Variants in FTCDNL1 observed in about 807,000 individuals in gnomAD.
The protein encoded by FTCDNL1 is formiminotransferase N-terminal subdomain-containing protein.
In FTCDNL1, 11 loss-of-function variants were observed where a neutral mutation model predicts 5.9. The observed-to-expected ratio is 1.87, with a 90% confidence interval of 1.18 to 3.10. The LOEUF (loss-of-function observed/expected upper bound fraction) is 3.10. FTCDNL1 is among the 30% of genes most tolerant of loss of function. The pLI, the probability that FTCDNL1 is intolerant of heterozygous loss-of-function variation, is 0.00. For missense variants in FTCDNL1, 115 were observed against 65.5 expected, an observed-to-expected ratio of 1.76 and a Z score of -2.61; for synonymous variants, 58 against 24.8, an observed-to-expected ratio of 2.34 and a Z score of -3.99.
chr2:199,802,744 T>C (rs1320712208), intron 3 of FTCDNL1, among the ~76,000 whole-genome samples: 2 of 152,152 alleles, frequency 1.3e-5, no homozygotes, highest in Middle Eastern at 3.2e-3. Flanking sequence ...AATCTGGCGA[T>C]GTGCAGTTCA....
chr2:199,732,951 G>A, the FTCDNL1 span, among the ~76,000 whole-genome samples: 3,216 of 152,204 alleles, frequency 0.021, 46 homozygotes, highest in Middle Eastern at 0.041. Context: ...ACTTCAATTT[G>A]TTCACAATTG....
the FTCDNL1 span, among the ~76,000 whole-genome samples, chr2:199,749,466 T>G: frequency 6.6e-6 from 1 of 152,156 alleles, no homozygotes; most frequent in Admixed American, 6.5e-5. Context: ...CTGAACTCAC[T>G]GTTTTGATCA....
At chr2:199,850,117 G>C (rs2076835918) in intron 1 of FTCDNL1, among the ~76,000 whole-genome samples, 1 of 152,188 alleles carries the variant, frequency 6.6e-6, no homozygotes, top group African/African-American at 2.4e-5. Flanking sequence ...GAGAGCTCAG[G>C]CTTCGTAGCT....
chr2:199,764,362 A>C (rs933234467), intron 3 of FTCDNL1, among the ~76,000 whole-genome samples: 1 of 152,206 alleles, frequency 6.6e-6, no homozygotes, highest in Non-Finnish European at 1.5e-5. Flanking sequence ...GCCCAAAATC[A>C]TGCAGATGAC....
At chr2:199,756,281 A>G (rs1698070096), downstream of FTCDNL1, among the ~76,000 whole-genome samples, 1 of 152,178 alleles carries the variant, frequency 6.6e-6, no homozygotes, top group Non-Finnish European at 1.5e-5. Context: ...TTTATTTAAG[A>G]ATCTTCTCAA....
intron 1 of FTCDNL1, among the ~76,000 whole-genome samples, chr2:199,850,454 T>G (rs1041677631): frequency 2.0e-5 from 3 of 152,226 alleles, no homozygotes; most frequent in African/African-American, 7.2e-5. Context: ...CATTCCACAT[T>G]TTGATTCCCT....
At chr2:199,849,549 A>G (rs1358618014) in intron 1 of FTCDNL1, among the ~76,000 whole-genome samples, 1 of 152,086 alleles carries the variant, frequency 6.6e-6, no homozygotes, top group African/African-American at 2.4e-5. Context: ...AAAGTTTCTA[A>G]ATCAGTTTAA....
chr2:199,825,811 C>T (rs1290016815), intron 3 of FTCDNL1, among the ~76,000 whole-genome samples: 2 of 152,176 alleles, frequency 1.3e-5, no homozygotes, highest in Non-Finnish European at 2.9e-5. Context: ...ATTACCAGGT[C>T]TGGAGTATTC....
At chr2:199,683,264 G>A in the FTCDNL1 span, among the ~76,000 whole-genome samples, 2 of 152,030 alleles carry the variant, frequency 1.3e-5, no homozygotes, top group Non-Finnish European at 2.9e-5. Context: ...ATATTAAAAC[G>A]GAGTTTGTAT....
intron 3 of FTCDNL1, among the ~76,000 whole-genome samples, chr2:199,788,818 A>T (rs1318463791): frequency 1.3e-5 from 2 of 152,068 alleles, no homozygotes; most frequent in African/African-American, 4.8e-5. Context: ...TAAAGGAGAG[A>T]TCCTAAAAAT....
At chr2:199,801,417 C>T (rs1420218347) in intron 3 of FTCDNL1, among the ~76,000 whole-genome samples, 1 of 151,986 alleles carries the variant, frequency 6.6e-6, no homozygotes, top group Non-Finnish European at 1.5e-5. Flanking sequence ...GAGGCCCAAG[C>T]AGGTAGATTT....
chr2:199,838,349 C>T (rs970360229), intron 3 of FTCDNL1, among the ~76,000 whole-genome samples: 3 of 152,098 alleles, frequency 2.0e-5, no homozygotes, highest in Admixed American at 6.5e-5. Flanking sequence ...GATTTAAAAT[C>T]GCCAAGAGAA....
chr2:199,845,126 T>C (rs1286207125), intron 3 of FTCDNL1, among the ~76,000 whole-genome samples: 2 of 152,192 alleles, frequency 1.3e-5, no homozygotes, highest in African/African-American at 4.8e-5. Flanking sequence ...AATTATATTT[T>C]TCATTGAATT....
downstream of FTCDNL1, among the ~76,000 whole-genome samples, chr2:199,807,243 C>G (rs1226113232): frequency 6.6e-6 from 1 of 152,150 alleles, no homozygotes; most frequent in Non-Finnish European, 1.5e-5. Context: ...CTGCAATTTA[C>G]AGCTGGTTCA....
chr2:199,722,718 T>C, the FTCDNL1 span, among the ~76,000 whole-genome samples: 3 of 152,206 alleles, frequency 2.0e-5, no homozygotes, highest in Non-Finnish European at 4.4e-5. Flanking sequence ...TTGGGGAGTA[T>C]GGCCATTTTC....
At chr2:199,714,250 A>G in the FTCDNL1 span, among the ~76,000 whole-genome samples, 1 of 152,334 alleles carries the variant, frequency 6.6e-6, no homozygotes, top group African/African-American at 2.4e-5. Flanking sequence ...AAAAAAGGTA[A>G]AGACATGAGA....
the FTCDNL1 span, among the ~76,000 whole-genome samples, chr2:199,688,306 A>G: frequency 3.3e-5 from 5 of 152,032 alleles, no homozygotes; most frequent in Admixed American, 2.6e-4. Context: ...GCCTCATCCT[A>G]AAGCCCATAC....
the FTCDNL1 span, among the ~76,000 whole-genome samples, chr2:199,749,400 A>T: frequency 2.0e-5 from 3 of 152,216 alleles, no homozygotes; most frequent in African/African-American, 4.8e-5. Context: ...TTTTTACCAT[A>T]CAATCAACTC....
At chr2:199,684,188 CT>C in the FTCDNL1 span, among the ~76,000 whole-genome samples, 1 of 152,212 alleles carries the variant, frequency 6.6e-6, no homozygotes, top group Non-Finnish European at 1.5e-5. Context: ...TGGATTCACA[CT>C]ATAGCAGCAA....
Sources: allele counts gnomAD v4.1 joint callset (sites outside exome capture counted in the v4.1 genomes callset), GRCh38; gene constraint gnomAD v4.1.1; transcripts MANE v1.5; gene names NCBI Gene and HGNC (gene_info 2026-07-23, HGNC 2026-07-21).